FLOT2: variants seen among roughly 807,000 people sequenced by gnomAD.
The protein encoded by FLOT2 is flotillin-2.
FLOT2 carries 35 observed loss-of-function variants against 54.9 expected under a neutral mutation model. The ratio of observed to expected loss-of-function variants is 0.64; its 90% confidence interval spans 0.49 to 0.84. The LOEUF (loss-of-function observed/expected upper bound fraction) is 0.84, where lower values mean the gene tolerates loss of function less well. FLOT2 is among the 40% of genes least tolerant of loss of function. The pLI, the probability that FLOT2 is intolerant of heterozygous loss-of-function variation, is 0.00. For synonymous variants in FLOT2, 207 were observed against 228.9 expected (o/e 0.90, Z 0.86); for missense variants, 464 against 572.1 (o/e 0.81, Z 1.93).
At chr17:28,885,875 G>A (rs1174953763) in intron 2 of FLOT2, 8 of 1,548,574 alleles carry the variant, frequency 5.2e-6, no homozygotes, top group East Asian at 2.4e-5. Context: ...CCCCTGTTAC[G>A]AATAGTGGAA....
rs1173929112 is a variant in FLOT2 at position 28,897,550 on chromosome 17, G to A, written c.25C>T (p.Pro9Ser). 1.2e-6 allele frequency: 2 copies of A among 1,604,820 alleles called. No individual in the cohort carries two copies. The highest frequency in any genetic ancestry group is 1.7e-6 in the Non-Finnish European group (2 of 1,176,170). ...CCTGAAACCACCAGCGCCTCGTTGG[G>A]CCCCACCGTGTGGCAATTGCCCATG... MGNCHTVG[P>S]NEALVVSGGC... Residue 9 changes from proline to serine, a missense_variant, in exon 1 of 11, where the codon CCC (proline) becomes TCC (serine). By Grantham distance (74) the Pro-to-Ser change is moderately conservative. Coordinates refer to ENST00000394908, the MANE Select transcript of FLOT2 (RefSeq NM_004475.3). The surrounding 1 kb of genome is among the most constrained non-coding windows in gnomAD (Gnocchi z 4.4).
At position 28,883,364 on chromosome 17, in the gene FLOT2, G is replaced by T; in HGVS notation, c.223-133C>A. ...CAGACCTGGAGGCCCTGGGGGGCTG[G>T]AATCTGTCTGAAGCCTCTAGTGGGG... On this transcript the variant is annotated intron_variant, in intron 3 of 10. Coordinates refer to ENST00000394908, the MANE Select transcript of FLOT2 (RefSeq NM_004475.3). This position sits in a 1 kb window ranked among gnomAD's most constrained non-coding sequence, Gnocchi z 5.0. 1 of 1,074,282 alleles carries T rather than the reference G, an allele frequency of 9.3e-7. No homozygotes were observed. The highest frequency in any genetic ancestry group is 1.4e-6 in the Non-Finnish European group (1 of 732,076). The allele number at this position is 1,074,282 out of a possible 1,614,324, so 66.5% of individuals were successfully genotyped here.
Position 28,881,000 on chromosome 17 carries a change from G to C in FLOT2, c.1099-138C>G, listed in dbSNP as rs191329128. On this transcript the variant is annotated intron_variant, in intron 9 of 10. Coordinates refer to ENST00000394908, the MANE Select transcript of FLOT2 (RefSeq NM_004475.3). ...GGCCCTTAGTCTCGAGCCATGGTAA[G>C]AGACGCCCTGTGGGCCAGGGATGGC... The C allele has an allele frequency of 7.8e-4, 946 of 1,216,644 alleles. 5 individuals are homozygous for C. The African/African-American group carries it at 9.5e-3, about 12-fold the overall frequency. The allele number at this position is 1,216,644 out of a possible 1,614,324, so 75.4% of individuals were successfully genotyped here.
chr17:28,893,262 C>T (rs2039683342), intron 1 of FLOT2: 1 of 152,436 alleles, frequency 6.6e-6, no homozygotes, highest in Non-Finnish European at 1.5e-5. Flanking sequence ...TCTAACCCAA[C>T]TTGCTTTCCC....
intron 1 of FLOT2, among the ~76,000 whole-genome samples, chr17:28,889,227 G>C (rs2039603059): frequency 6.6e-6 from 1 of 152,220 alleles, no homozygotes; most frequent in Non-Finnish European, 1.5e-5. Context: ...TTGGTAGACA[G>C]GCAATTTACA....
rs1192553344 is a variant in FLOT2 at position 28,897,649 on chromosome 17, G to GCCCAGCCTATCCCGCCACC, written c.-94_-76dup. ...GCAGCGGGTCTGCAGCGCCGGCCGC[G>GCCCAGCCTATCCCGCCACC]CCCAGCCTATCCCGCCACCCCCAGC... is the stretch of plus-strand genomic sequence containing the variant. On this transcript the variant is annotated 5_prime_UTR_variant, in exon 1 of 11. Transcript: ENST00000394908. The surrounding 1 kb of genome is among the most constrained non-coding windows in gnomAD (Gnocchi z 4.4). The GCCCAGCCTATCCCGCCACC allele has an allele frequency of 3.1e-6, 4 of 1,274,856 alleles. No homozygotes were observed. Among genetic ancestry groups the GCCCAGCCTATCCCGCCACC allele is most frequent in the African/African-American group, 1.5e-5 (1 of 64,532 alleles). 79.0% of individuals were successfully genotyped at this position (1,274,856 alleles called of 1,614,324 possible).
chr17:28,897,575 G>A lies in FLOT2; in HGVS notation c.-1C>T. On this transcript the variant is annotated 5_prime_UTR_variant, in exon 1 of 11. Coordinates refer to ENST00000394908, the MANE Select transcript of FLOT2 (RefSeq NM_004475.3). This position sits in a 1 kb window ranked among gnomAD's most constrained non-coding sequence, Gnocchi z 4.4. ...GCCCCACCGTGTGGCAATTGCCCAT[G>A]GCGCCGGCGGCACGGAGGGCCCTCG... 6.3e-7 allele frequency: 1 copy of A among 1,597,186 alleles called. No individual in the cohort carries two copies. The highest frequency in any genetic ancestry group is 8.5e-7 in the Non-Finnish European group (1 of 1,172,444).
At position 28,883,707 on chromosome 17, in the gene FLOT2, G is replaced by A. The variant is rs527855756; in HGVS notation, c.223-476C>T. On this transcript the variant is annotated intron_variant, in intron 3 of 10. Coordinates refer to ENST00000394908, the MANE Select transcript of FLOT2 (RefSeq NM_004475.3). The surrounding 1 kb of genome is among the most constrained non-coding windows in gnomAD (Gnocchi z 5.0). ...TGAGTTACTCAGCCAACCCCTCGCC[G>A]AGGCCTACAGCATGGCTGAACCTCA... Among the ~76,000 whole-genome samples the A allele has an allele frequency of 2.6e-5, 4 of 152,280 alleles. No individual in the cohort carries two copies. The highest frequency in any genetic ancestry group is 4.8e-5 in the African/African-American group (2 of 41,556).
chr17:28,881,916 T>G lies in FLOT2; in HGVS notation c.812A>C (p.Glu271Ala), dbSNP rs747135335. The change falls in exon 8 of 11, where the codon GAG (glutamate) becomes GCG (alanine). Residue 271 changes from glutamate (E) to alanine (A), a missense_variant. Coordinates refer to ENST00000394908, the MANE Select transcript of FLOT2 (RefSeq NM_004475.3). ...VVQRKKQIAV[E>A]AQEILRTDKE... ...GTCCGTACGCAGGATCTCCTGTGCC[T>G]CCACGGCAATCTGTTTCTTGCGCTG... The G allele has an allele frequency of 6.2e-7, 1 of 1,613,942 alleles. No individual in the cohort carries two copies.
chr17:28,883,991 C>A lies in FLOT2; in HGVS notation c.222+234G>T, dbSNP rs939596168. On this transcript the variant is annotated intron_variant, in intron 3 of 10. Transcript: ENST00000394908. This position sits in a 1 kb window ranked among gnomAD's most constrained non-coding sequence, Gnocchi z 5.0. ...AGCCCTCAGCACTGGTTCTGTCCCT[C>A]GTGGGCCCGCTGAGGAGAGAAGGGG... is the stretch of plus-strand genomic sequence containing the variant. Among the ~76,000 whole-genome samples, 1 of 152,200 alleles carries A rather than the reference C, an allele frequency of 6.6e-6. No homozygotes were observed. The highest frequency in any genetic ancestry group is 1.5e-5 in the Non-Finnish European group (1 of 68,030).
intron 1 of FLOT2, among the ~76,000 whole-genome samples, chr17:28,890,236 T>C (rs895387812): frequency 6.6e-6 from 1 of 151,922 alleles, no homozygotes; most frequent in African/African-American, 2.4e-5. Context: ...ATGGGAGAAG[T>C]GGAGAAAGCA....
chr17:28,892,384 A>T (rs1598101021), intron 1 of FLOT2: 1 of 128,930 alleles, frequency 7.8e-6, no homozygotes, highest in Non-Finnish European at 1.6e-5. Flanking sequence ...TTTGAGATAG[A>T]GTCTCGCTCT....
At position 28,893,811 on chromosome 17, in the gene FLOT2, C is replaced by T. The variant is rs181123009; in HGVS notation, c.49+3715G>A. Among the ~76,000 whole-genome samples the T allele has an allele frequency of 1.2e-3, 187 of 152,354 alleles. 1 individual carries two copies. The highest frequency in any genetic ancestry group is 5.7e-3 in the Admixed American group (88 of 15,310). ...CATTTTATAGAAGAACATTGTGAAA[C>T]TCCCTGTCCTATTCTGTTTCACTCT... On this transcript the variant is annotated intron_variant, in intron 1 of 10. Coordinates refer to ENST00000394908, the MANE Select transcript of FLOT2 (RefSeq NM_004475.3).
rs1198314128 is a variant in FLOT2 at position 28,882,185 on chromosome 17, T to C, written c.632A>G (p.Lys211Arg). Residue 211 changes from lysine (K) to arginine (R), a missense_variant, in exon 7 of 11, where the codon AAG (lysine) becomes AGG (arginine). Coordinates refer to ENST00000394908, the MANE Select transcript of FLOT2 (RefSeq NM_004475.3). The surrounding 1 kb of genome is among the most constrained non-coding windows in gnomAD (Gnocchi z 5.6). ...MLDVKFMADT[K>R]IADSKRAFEL... ...GAAGGCTCGCTTAGAGTCAGCAATCTTGGTGTCTGCCATGAACTTCACATC... is the reference window on the plus strand; with the variant it reads ...GAAGGCTCGCTTAGAGTCAGCAATCCTGGTGTCTGCCATGAACTTCACATC... The C allele has an allele frequency of 6.2e-7, 1 of 1,614,202 alleles. No individual in the cohort carries two copies. Among genetic ancestry groups the C allele is most frequent in the Non-Finnish European group, 8.5e-7 (1 of 1,180,040 alleles).
chr17:28,890,496 C>T (rs542547608), intron 1 of FLOT2, among the ~76,000 whole-genome samples: 1 of 151,842 alleles, frequency 6.6e-6, no homozygotes, highest in Non-Finnish European at 1.5e-5. Flanking sequence ...ACGCGATTCT[C>T]CTGCCTCAGC....
rs1238492996 is a variant in FLOT2, at chr17:28,879,872, A to G, written c.*689T>C. On this transcript the variant is annotated 3_prime_UTR_variant, in exon 11 of 11. Coordinates refer to ENST00000394908, the MANE Select transcript of FLOT2 (RefSeq NM_004475.3). ...AGCACAAGCAGGGGCCTCCTAAGGC[A>G]GTAGGAAACTGAGGAAGCTGCTGTA... 1 of 986,062 alleles carries G rather than the reference A, an allele frequency of 1.0e-6. No homozygotes were observed. The highest frequency in any genetic ancestry group is 1.7e-5 in the African/African-American group (1 of 57,378). The allele number at this position is 986,062 out of a possible 1,614,324, so 61.1% of individuals were successfully genotyped here. A position where few individuals can be genotyped will look rare whatever the true frequency, so the allele number is the denominator to read the frequency against.
At chr17:28,886,056 G>GGT (rs1280485767) in intron 2 of FLOT2, 3 of 596,346 alleles carry the variant, frequency 5.0e-6, no homozygotes, top group African/African-American at 5.2e-5. Context: ...GACGCCTGGG[G>GGT]GCGGGGGGGG....
intron 2 of FLOT2, among the ~76,000 whole-genome samples, chr17:28,888,476 A>C (rs2039585269): frequency 6.6e-6 from 1 of 152,334 alleles, no homozygotes; most frequent in South Asian, 2.1e-4. Flanking sequence ...CTATATGTCC[A>C]TTCTCTGCCA....
rs368026415 is a variant in FLOT2, at chr17:28,897,558, G to A, written c.17C>T (p.Thr6Met). Reference sequence around the variant, plus strand: ...CACCAGCGCCTCGTTGGGCCCCACCGTGTGGCAATTGCCCATGGCGCCGGC... The same window carrying A: ...CACCAGCGCCTCGTTGGGCCCCACCATGTGGCAATTGCCCATGGCGCCGGC... The part of the protein sequence containing the change: MGNCH[T>M]VGPNEALVVS... The change falls in exon 1 of 11, where the codon ACG (threonine) becomes ATG (methionine). Residue 6 changes from threonine to methionine, a missense_variant. By Grantham distance (81) the Thr-to-Met change is moderately conservative (BLOSUM62 -1). Transcript: ENST00000394908. The surrounding 1 kb of genome is among the most constrained non-coding windows in gnomAD (Gnocchi z 4.4). 1.2e-6 allele frequency: 2 copies of A among 1,604,098 alleles called. No homozygotes were observed. Among genetic ancestry groups the A allele is most frequent in the Non-Finnish European group, 1.7e-6 (2 of 1,175,806 alleles).
Sources: allele counts gnomAD v4.1 joint callset (sites outside exome capture counted in the v4.1 genomes callset), GRCh38; gene constraint gnomAD v4.1.1; non-coding constraint Gnocchi (gnomAD v3.1); transcripts MANE v1.5; gene names NCBI Gene and HGNC (gene_info 2026-07-23, HGNC 2026-07-21).